FARP1: variants seen among roughly 807,000 people sequenced by gnomAD.
FARP1 encodes the protein FERM, ARH/RhoGEF and pleckstrin domain protein 1.
FARP1 carries 52 observed loss-of-function variants against 128.8 expected under a neutral mutation model. That is an observed-to-expected ratio of 0.40 (90% CI 0.32 to 0.51). FARP1 has a LOEUF of 0.51. Among genes scored for constraint, FARP1 ranks in the 20% least tolerant of loss-of-function variants. FARP1 has a pLI of 0.45. For missense variants in FARP1, 1,333 were observed against 1,367.9 expected, an observed-to-expected ratio of 0.97 and a Z score of 0.40; for synonymous variants, 580 against 551.8, an observed-to-expected ratio of 1.05 and a Z score of -0.72.
intron 1 of FARP1, among the ~76,000 whole-genome samples, chr13:98,177,515 C>T (rs1488676825): frequency 2.0e-5 from 3 of 152,092 alleles, no homozygotes; most frequent in Admixed American, 1.3e-4. Context: ...GGTGTGGTGG[C>T]GTGCGCCTGA....
rs185208610 is a variant in FARP1, at chr13:98,236,403, A to G, written c.171+22990A>G. Reference sequence around the variant, plus strand: ...CTGCTCAGAGCCTTCCTTAGCTTGCACGGAAAATGCATAGACGTTGCCAAC... The same window carrying G: ...CTGCTCAGAGCCTTCCTTAGCTTGCGCGGAAAATGCATAGACGTTGCCAAC... On this transcript the variant is annotated intron_variant, in intron 2 of 26. Transcript: ENST00000319562. Among the ~76,000 whole-genome samples, 87 of 152,330 alleles carry G rather than the reference A, an allele frequency of 5.7e-4. 1 individual carries two copies. In the East Asian group the frequency reaches 0.016, roughly 29 times the overall value.
rs1886502283 is a variant in FARP1, at chr13:98,312,238, T to A, written c.172-31524T>A. 2.7e-5 allele frequency among the ~76,000 whole-genome samples: 4 copies of A among 146,662 alleles called. No homozygotes were observed. In the South Asian group the frequency reaches 9.1e-4, roughly 33 times the overall value. ...TCACTGCAAGCTCCACCTCCCGGGT[T>A]CATGCCATTCTCCTGCCTCAGCCTC... On this transcript the variant is annotated intron_variant, in intron 2 of 26. Transcript: ENST00000319562.
At chr13:98,191,135 G>T (rs560330462) in intron 1 of FARP1, among the ~76,000 whole-genome samples, 3 of 152,258 alleles carry the variant, frequency 2.0e-5, no homozygotes, top group Admixed American at 6.5e-5. Context: ...CCCAGCTGTC[G>T]TGGTGACCTC....
chr13:98,357,795 CTGCA>C (rs1204050519), intron 3 of FARP1, among the ~76,000 whole-genome samples: 1 of 152,174 alleles, frequency 6.6e-6, no homozygotes, highest in Non-Finnish European at 1.5e-5. Flanking sequence ...GTCACATATG[CTGCA>C]TACTTCTGTA....
At chr13:98,289,669 C>CCGT (rs1299314149) in intron 2 of FARP1, among the ~76,000 whole-genome samples, 2 of 152,148 alleles carry the variant, frequency 1.3e-5, no homozygotes, top group Non-Finnish European at 2.9e-5. Flanking sequence ...CCTGCAGGAC[C>CCGT]CCTCTGGCTC....
chr13:98,385,910 T>C (rs1256078675), intron 8 of FARP1, 96 bp downstream of exon 8: 1 of 1,318,514 alleles, frequency 7.6e-7, no homozygotes, highest in Non-Finnish European at 1.0e-6. Flanking sequence ...CTAAGACCTC[T>C]GATGGTTATT....
chr13:98,210,687 C>T (rs1594274744), intron 1 of FARP1, among the ~76,000 whole-genome samples: 1 of 152,020 alleles, frequency 6.6e-6, no homozygotes, highest in African/African-American at 2.4e-5. Context: ...GTAGCTGGGA[C>T]TACAGGCGCC....
At chr13:98,295,378 T>C (rs1393433999) in intron 2 of FARP1, among the ~76,000 whole-genome samples, 1 of 152,022 alleles carries the variant, frequency 6.6e-6, no homozygotes, top group Non-Finnish European at 1.5e-5. Context: ...ATGGGGAGGA[T>C]GAAGGGGCAG....
At chr13:98,239,184 AC>A (rs1219014106) in intron 2 of FARP1, among the ~76,000 whole-genome samples, 1 of 152,162 alleles carries the variant, frequency 6.6e-6, no homozygotes, top group Non-Finnish European at 1.5e-5. Context: ...TAAGATACTT[AC>A]CCTATGGAGA....
intron 1 of FARP1, among the ~76,000 whole-genome samples, chr13:98,147,929 A>C (rs1875692477): frequency 6.6e-6 from 1 of 152,174 alleles, no homozygotes; most frequent in Admixed American, 6.6e-5. Flanking sequence ...CATCCCTTCA[A>C]ATTAGTCTTT....
intron 1 of FARP1, among the ~76,000 whole-genome samples, chr13:98,210,715 A>G (rs1351325965): frequency 6.6e-6 from 1 of 151,480 alleles, no homozygotes; most frequent in Non-Finnish European, 1.5e-5. Flanking sequence ...ACGCCTGGCT[A>G]ATTTTCTGTA....
intron 2 of FARP1, among the ~76,000 whole-genome samples, chr13:98,250,375 A>T (rs1441842989): frequency 6.6e-6 from 1 of 152,208 alleles, no homozygotes; most frequent in Non-Finnish European, 1.5e-5. Context: ...TAAATTGTGA[A>T]ATATGGCATA....
intron 1 of FARP1, among the ~76,000 whole-genome samples, chr13:98,201,982 C>T (rs1879983702): frequency 6.6e-6 from 1 of 152,234 alleles, no homozygotes; most frequent in South Asian, 2.1e-4. Context: ...AGTTGATCTG[C>T]AGTTGTTTCT....
At chr13:98,228,842 T>C (rs1254352815) in intron 2 of FARP1, among the ~76,000 whole-genome samples, 1 of 152,232 alleles carries the variant, frequency 6.6e-6, no homozygotes, top group East Asian at 1.9e-4. Flanking sequence ...AGATATAGAA[T>C]GTTAAAATGA....
At chr13:98,413,984 G>C (rs1390329133) in intron 16 of FARP1, among the ~76,000 whole-genome samples, 1 of 152,162 alleles carries the variant, frequency 6.6e-6, no homozygotes, top group Non-Finnish European at 1.5e-5. Context: ...TCATCAGTTT[G>C]CAGTACCCTG....
At chr13:98,318,403 G>C (rs1299055983) in intron 2 of FARP1, among the ~76,000 whole-genome samples, 1 of 152,122 alleles carries the variant, frequency 6.6e-6, no homozygotes, top group African/African-American at 2.4e-5. Flanking sequence ...GGGCGGCATC[G>C]TTACGACCTC....
chr13:98,305,585 C>T lies in FARP1; in HGVS notation c.172-38177C>T, dbSNP rs530658007. Among the ~76,000 whole-genome samples the T allele has an allele frequency of 7.9e-5, 12 of 152,306 alleles. 1 individual carries two copies. The South Asian group carries it at 1.0e-3, about 13-fold the overall frequency. On this transcript the variant is annotated intron_variant, in intron 2 of 26. Transcript: ENST00000319562. ...CTGACTTCTGGTAATCCGCCCATCT[C>T]GGCCTCCCAAAGTGTTGGAATTACA...
At chr13:98,179,031 T>G (rs1479637521) in intron 1 of FARP1, among the ~76,000 whole-genome samples, 1 of 152,224 alleles carries the variant, frequency 6.6e-6, no homozygotes, top group African/African-American at 2.4e-5. Context: ...CCCATCTTTT[T>G]TCTTGGAGAC....
chr13:98,166,062 T>C (rs1487792987), intron 1 of FARP1, among the ~76,000 whole-genome samples: 2 of 152,192 alleles, frequency 1.3e-5, no homozygotes, highest in Non-Finnish European at 2.9e-5. Context: ...AATAGTAGCA[T>C]ACCCTAAATA....
Sources: allele counts gnomAD v4.1 joint callset (sites outside exome capture counted in the v4.1 genomes callset), GRCh38; gene constraint gnomAD v4.1.1; transcripts MANE v1.5; gene names NCBI Gene and HGNC (gene_info 2026-07-23, HGNC 2026-07-21).